The following KCNH5 variants were observed in gnomAD, a reference collection of about 807,000 sequenced individuals.
KCNH5 encodes the protein potassium voltage-gated channel subfamily H member 5, also known as voltage-gated delayed rectifier potassium channel KCNH5.
A neutral mutation model predicts 96.1 loss-of-function variants in KCNH5; 46 were observed. The observed-to-expected ratio is 0.48, with a 90% CI of 0.38 to 0.61. The LOEUF (loss-of-function observed/expected upper bound fraction) is 0.61. Among genes scored for constraint, KCNH5 ranks in the 20% least tolerant of loss-of-function variants. The pLI, the probability that KCNH5 is intolerant of heterozygous loss-of-function variation, is 0.00. For synonymous variants in KCNH5, 439 were observed against 449.8 expected, an observed-to-expected ratio of 0.98 and a Z score of 0.30; for missense variants, 907 against 1,225.8, an observed-to-expected ratio of 0.74 and a Z score of 3.88.
chr14:62,747,725 C>T (rs147323659), intron 10 of KCNH5, among the ~76,000 whole-genome samples: 3 of 152,316 alleles, frequency 2.0e-5, no homozygotes, highest in Non-Finnish European at 2.9e-5. Flanking sequence ...AAGACCCTGA[C>T]TTAACATCAC....
chr14:62,828,664 C>T (rs370142707), intron 8 of KCNH5, among the ~76,000 whole-genome samples: 14 of 152,144 alleles, frequency 9.2e-5, no homozygotes, highest in African/African-American at 3.4e-4. Flanking sequence ...TCACCTCCTA[C>T]AGGTCCCTCT....
intron 10 of KCNH5, among the ~76,000 whole-genome samples, chr14:62,735,975 G>T (rs547873885): frequency 5.1e-4 from 78 of 152,312 alleles, no homozygotes; most frequent in African/African-American, 1.8e-3. Flanking sequence ...AGCTAAAAGA[G>T]ACAAGGAAGG....
chr14:63,003,449 AT>A (rs1378561932), intron 3 of KCNH5, among the ~76,000 whole-genome samples: 2 of 134,624 alleles, frequency 1.5e-5, no homozygotes, highest in Non-Finnish European at 3.1e-5. Flanking sequence ...ATATATATAT[AT>A]TATATATATA....
intron 8 of KCNH5, among the ~76,000 whole-genome samples, chr14:62,826,408 A>ATGTGTGTGTGTGTGTGTG (rs71451280): frequency 5.6e-5 from 8 of 141,984 alleles, no homozygotes; most frequent in African/African-American, 2.1e-4. Context: ...GCGTGCGTGC[A>ATGTGTGTGTGTGTGTGTG]TGTGTGTGTG....
chr14:63,035,183 TC>T (rs1249078788), intron 1 of KCNH5, among the ~76,000 whole-genome samples: 1 of 152,214 alleles, frequency 6.6e-6, no homozygotes, highest in East Asian at 1.9e-4. Context: ...TGTTTAAGCA[TC>T]ATTTTAAATC....
chr14:62,801,141 T>C (rs1378917726), intron 9 of KCNH5, among the ~76,000 whole-genome samples: 1 of 152,158 alleles, frequency 6.6e-6, no homozygotes, highest in Non-Finnish European at 1.5e-5. Context: ...GTAATGGTGC[T>C]TTTTGAAGTC....
intron 7 of KCNH5, among the ~76,000 whole-genome samples, chr14:62,896,388 G>A (rs1396412093): frequency 6.6e-6 from 1 of 152,190 alleles, no homozygotes; most frequent in East Asian, 1.9e-4. Flanking sequence ...GTGAGTACAA[G>A]ATGGAGGCCT....
At position 63,001,332 on chromosome 14, in the gene KCNH5, T is replaced by C. The variant is rs1362069239; in HGVS notation, c.432A>G (p.Lys144=). Residue 144 remains lysine (K), a splice_region_variant and synonymous_variant, in exon 4 of 11, where the codon AAA becomes AAG. Transcript: ENST00000322893. ...TGTAGTAATTCTTTTGAAAATTACC[T>C]TTTGTTGAATCATCCTCTATTGGCT... ...FKQPIEDDST[K]GWTKFARLTR... 6.3e-7 allele frequency: 1 copy of C among 1,594,264 alleles called. No homozygotes were observed. Among genetic ancestry groups the C allele is most frequent in the East Asian group, 2.3e-5 (1 of 43,772 alleles).
chr14:62,754,485 A>G (rs944999339), intron 10 of KCNH5, among the ~76,000 whole-genome samples: 4 of 152,132 alleles, frequency 2.6e-5, no homozygotes, highest in Non-Finnish European at 4.4e-5. Context: ...ACAAGATCCA[A>G]TGATCTGTTG....
chr14:62,815,515 T>G (rs933510169), intron 8 of KCNH5, among the ~76,000 whole-genome samples: 2 of 152,064 alleles, frequency 1.3e-5, no homozygotes, highest in Non-Finnish European at 2.9e-5. Context: ...ACACAAAAAA[T>G]GGATAACTGT....
At chr14:62,981,322 G>T (rs1199920789) in intron 5 of KCNH5, 58 bp from the exon 6 acceptor site, 3 of 1,518,852 alleles carry the variant, frequency 2.0e-6, no homozygotes, top group East Asian at 4.5e-5. Context: ...AGTCAGTGAT[G>T]AATTCAAATC....
chr14:62,850,840 C>T (rs1887789659), intron 7 of KCNH5, among the ~76,000 whole-genome samples: 1 of 152,132 alleles, frequency 6.6e-6, no homozygotes, highest in Admixed American at 6.6e-5. Flanking sequence ...CCTTAATGTT[C>T]AGTACACAGG....
At chr14:62,817,758 T>TATTCCTATATATTCTAGGAATATATA (rs1887020067) in intron 8 of KCNH5, among the ~76,000 whole-genome samples, 1 of 145,574 alleles carries the variant, frequency 6.9e-6, no homozygotes, top group Non-Finnish European at 1.5e-5. Flanking sequence ...AGGAATATAT[T>TATTCCTATATATTCTAGGAATATATA]ATATTCCTAT....
At chr14:62,779,053 C>A (rs1886154330) in intron 10 of KCNH5, among the ~76,000 whole-genome samples, 1 of 152,118 alleles carries the variant, frequency 6.6e-6, no homozygotes, top group South Asian at 2.1e-4. Flanking sequence ...TGCAGTTATC[C>A]AAACATGTAT....
At chr14:62,799,861 A>G (rs1886624216) in intron 9 of KCNH5, among the ~76,000 whole-genome samples, 1 of 143,642 alleles carries the variant, frequency 7.0e-6, no homozygotes, top group Non-Finnish European at 1.5e-5. Context: ...TTAATATTTA[A>G]TATATATATA....
chr14:62,764,185 G>T (rs1471771392), intron 10 of KCNH5, among the ~76,000 whole-genome samples: 1 of 152,084 alleles, frequency 6.6e-6, no homozygotes, highest in Non-Finnish European at 1.5e-5. Context: ...TCACAATCAA[G>T]CCTTCATTCC....
intron 7 of KCNH5, among the ~76,000 whole-genome samples, chr14:62,867,474 A>G (rs1192271682): frequency 6.6e-6 from 1 of 152,286 alleles, no homozygotes; most frequent in East Asian, 1.9e-4. Context: ...TTTCCAAAAA[A>G]TCATAATTAT....
chr14:62,879,708 C>CT (rs1283918507), intron 7 of KCNH5, among the ~76,000 whole-genome samples: 1 of 152,146 alleles, frequency 6.6e-6, no homozygotes, highest in Non-Finnish European at 1.5e-5. Flanking sequence ...TTAAAATTCA[C>CT]TGTACCATTG....
chr14:62,743,260 A>AAT (rs1885309189), intron 10 of KCNH5, among the ~76,000 whole-genome samples: 1 of 152,188 alleles, frequency 6.6e-6, no homozygotes, highest in Admixed American at 6.5e-5. Context: ...TCTAATTTAA[A>AAT]TTAGTTTGGG....
Sources: allele counts gnomAD v4.1 joint callset (sites outside exome capture counted in the v4.1 genomes callset), GRCh38; gene constraint gnomAD v4.1.1; transcripts MANE v1.5; gene names NCBI Gene and HGNC (gene_info 2026-07-23, HGNC 2026-07-21).